BLTP1: variants seen among roughly 807,000 people sequenced by gnomAD.
BLTP1 encodes the protein bridge-like lipid transfer protein family member 1.
chr4:122,260,568 A>G, the BLTP1 span, among the ~76,000 whole-genome samples: 1 of 152,208 alleles, frequency 6.6e-6, no homozygotes, highest in Admixed American at 6.5e-5. Context: ...AAACTTTTGA[A>G]TAGTGTACAT....
the BLTP1 span, chr4:122,347,606 C>A: frequency 3.7e-6 from 6 of 1,613,774 alleles, no homozygotes; most frequent in Non-Finnish European, 4.2e-6. Context: ...TACTGCAAGA[C>A]CTGGGAGCAG....
At chr4:122,171,964 C>G in the BLTP1 span, 1 of 977,394 alleles carries the variant, frequency 1.0e-6, no homozygotes. Flanking sequence ...TTCTGAAGGA[C>G]TCATATAACA....
At chr4:122,215,181 C>T in the BLTP1 span, 1 of 248,980 alleles carries the variant, frequency 4.0e-6, no homozygotes, top group African/African-American at 2.3e-5. Flanking sequence ...GTTGGACATT[C>T]AGTGTTCCCT....
the BLTP1 span, chr4:122,316,212 G>T: frequency 5.6e-6 from 2 of 354,110 alleles, no homozygotes; most frequent in African/African-American, 4.3e-5. Context: ...GTGGCAAAAA[G>T]AAACTTATTC....
chr4:122,204,697 A>AT, the BLTP1 span: 1 of 543,438 alleles, frequency 1.8e-6, no homozygotes, highest in Admixed American at 6.4e-5. Flanking sequence ...AGTCTGATGA[A>AT]TGATGAATAT....
the BLTP1 span, chr4:122,209,393 C>T: frequency 6.4e-7 from 1 of 1,572,408 alleles, no homozygotes; most frequent in Non-Finnish European, 8.7e-7. Flanking sequence ...GCCTGTAATC[C>T]CAGCACTTTG....
the BLTP1 span, chr4:122,240,258 T>C: frequency 6.2e-7 from 1 of 1,614,116 alleles, no homozygotes. Flanking sequence ...CAAAAGAACC[T>C]CTAAATCCTC....
chr4:122,316,545 A>G, the BLTP1 span: 1 of 697,196 alleles, frequency 1.4e-6, no homozygotes, highest in South Asian at 1.5e-5. Context: ...ACTCATGGGG[A>G]AACGTAGGTA....
chr4:122,324,991 C>T, the BLTP1 span, among the ~76,000 whole-genome samples: 1 of 151,852 alleles, frequency 6.6e-6, no homozygotes, highest in African/African-American at 2.4e-5. Flanking sequence ...AATAGTAAAT[C>T]AGCACTATAA....
chr4:122,331,854 G>A, the BLTP1 span: 2 of 798,938 alleles, frequency 2.5e-6, no homozygotes, highest in Non-Finnish European at 3.0e-6. Context: ...ACATATTTCA[G>A]TTTTAAAGAA....
At chr4:122,240,367 C>T in the BLTP1 span, 1 of 1,585,170 alleles carries the variant, frequency 6.3e-7, no homozygotes, top group Non-Finnish European at 8.6e-7. Context: ...TAAACCAAAT[C>T]ATTAGTTTCC....
chr4:122,183,181 C>G, the BLTP1 span: 12 of 420,432 alleles, frequency 2.9e-5, no homozygotes, highest in Non-Finnish European at 3.8e-5. Flanking sequence ...ACAAAAAATA[C>G]AAAAATTAGC....
At chr4:122,182,668 T>C in the BLTP1 span, 2 of 985,448 alleles carry the variant, frequency 2.0e-6, no homozygotes, top group Non-Finnish European at 2.4e-6. Context: ...TGTCAAACCA[T>C]GACCCTGTTG....
the BLTP1 span, chr4:122,346,905 C>A: frequency 9.3e-5 from 129 of 1,386,452 alleles, 4 homozygotes; most frequent in Middle Eastern, 2.2e-3. Context: ...TCTAATATGC[C>A]AACCACAAGG....
chr4:122,166,200 GT>G, the BLTP1 span, among the ~76,000 whole-genome samples: 1 of 152,082 alleles, frequency 6.6e-6, no homozygotes, highest in Non-Finnish European at 1.5e-5. Flanking sequence ...GGTTTTTATG[GT>G]TTTAGGTCTA....
the BLTP1 span, chr4:122,230,241 TCTC>T: frequency 1.9e-6 from 3 of 1,583,730 alleles, no homozygotes; most frequent in Admixed American, 5.1e-5. Context: ...ATGGCAGTAG[TCTC>T]CTGTTCAGAT....
At chr4:122,173,729 T>C in the BLTP1 span, among the ~76,000 whole-genome samples, 1 of 152,184 alleles carries the variant, frequency 6.6e-6, no homozygotes, top group East Asian at 1.9e-4. Flanking sequence ...TAATATCCGC[T>C]TGGTTATGTC....
the BLTP1 span, chr4:122,333,549 A>T: frequency 2.1e-6 from 3 of 1,410,554 alleles, no homozygotes; most frequent in East Asian, 7.6e-5. Flanking sequence ...TCAGATGAGT[A>T]GGTTGCGAAA....
chr4:122,195,960 A>G, the BLTP1 span, among the ~76,000 whole-genome samples: 1 of 152,192 alleles, frequency 6.6e-6, no homozygotes, highest in South Asian at 2.1e-4. Flanking sequence ...ATTATACAAT[A>G]CTAATGTTAG....
Sources: allele counts gnomAD v4.1 joint callset (sites outside exome capture counted in the v4.1 genomes callset), GRCh38; gene constraint gnomAD v4.1.1; transcripts MANE v1.5; gene names NCBI Gene and HGNC (gene_info 2026-07-23, HGNC 2026-07-21).